GASK1A: variants seen among roughly 807,000 people sequenced by gnomAD.
GASK1A encodes Golgi-associated kinase 1A.
In GASK1A, 40 loss-of-function variants were observed where a neutral mutation model predicts 41.2. The ratio of observed to expected loss-of-function variants is 0.97; its 90% confidence interval spans 0.75 to 1.27. The LOEUF (loss-of-function observed/expected upper bound fraction) is 1.27, where lower values mean the gene tolerates loss of function less well. GASK1A is among the 50% of genes most tolerant of loss of function. The probability of loss-of-function intolerance (pLI) is 0.00; values close to 1 mark genes in which losing one functional copy is unlikely to be tolerated. For missense variants in GASK1A, 678 were observed against 745.1 expected (o/e 0.91, Z 1.05); for synonymous variants, 316 against 307.1 (o/e 1.03, Z -0.30).
intron 1 of GASK1A, among the ~76,000 whole-genome samples, chr3:43,031,217 G>A (rs1465688175): frequency 6.6e-6 from 1 of 152,040 alleles, no homozygotes; most frequent in Non-Finnish European, 1.5e-5. Context: ...TATGTACCAG[G>A]GCTCTGCCTG....
At chr3:42,979,918 C>G (rs1324498928) in intron 1 of GASK1A, among the ~76,000 whole-genome samples, 1 of 152,112 alleles carries the variant, frequency 6.6e-6, no homozygotes, top group Non-Finnish European at 1.5e-5. Flanking sequence ...GTAACCCACT[C>G]GCAACTCTGC....
chr3:43,051,358 C>T (rs1016251590), intron 2 of GASK1A, among the ~76,000 whole-genome samples: 8 of 152,168 alleles, frequency 5.3e-5, no homozygotes, highest in African/African-American at 1.9e-4. Flanking sequence ...AGTAAGTCTC[C>T]TAGTCTTTGC....
Position 42,979,515 on chromosome 3 carries a change from C to A in GASK1A, c.-128C>A. 1 of 1,071,040 alleles carries A rather than the reference C, an allele frequency of 9.3e-7. No homozygotes were observed. Among genetic ancestry groups the A allele is most frequent in the Non-Finnish European group, 1.2e-6 (1 of 840,272 alleles). The allele number at this position is 1,071,040 out of a possible 1,614,324, so 66.3% of individuals were successfully genotyped here. ...GCACCTTCAGTCCGGGAAACCCGCC[C>A]CAGCCGAGTAGCCGCGCATCCTGGG... On this transcript the variant is annotated 5_prime_UTR_variant, in exon 1 of 5. Transcript: ENST00000430121.
chr3:43,049,768 G>T (rs541831666), intron 2 of GASK1A, among the ~76,000 whole-genome samples: 2 of 152,196 alleles, frequency 1.3e-5, no homozygotes, highest in East Asian at 3.9e-4. Context: ...CTTAACATCT[G>T]GTTTTGTGAG....
rs1375040421 is a variant in GASK1A, at chr3:43,057,090, A to G, written c.*704A>G. ...ATGAAAGTGTGGTCATGCTTTGTCA[A>G]CTCACTATATTTTTACTTTATTAAC... On this transcript the variant is annotated 3_prime_UTR_variant, in exon 5 of 5. Coordinates refer to ENST00000430121, the MANE Select transcript of GASK1A (RefSeq NM_001129908.3). The G allele has an allele frequency of 2.6e-5, 4 of 152,156 alleles. No individual in the cohort carries two copies. Among genetic ancestry groups the G allele is most frequent in the Admixed American group, 6.5e-5 (1 of 15,280 alleles). The allele number at this position is 152,156 out of a possible 1,614,324, so 9.4% of individuals were successfully genotyped here. A position where few individuals can be genotyped will look rare whatever the true frequency, so the allele number is the denominator to read the frequency against.
In GASK1A at chr3:43,040,882, C is replaced by CCA. The variant is rs71288034; in HGVS notation, c.1290+7330_1290+7331insAC. ...TATCTCCCAATGCTATCCCTCCCCC[C>CCA]CGCCACAACAGTCCGCAGAGTGTGA... is the stretch of plus-strand genomic sequence containing the variant. On this transcript the variant is annotated intron_variant, in intron 2 of 4. Coordinates refer to ENST00000430121, the MANE Select transcript of GASK1A (RefSeq NM_001129908.3). Among the ~76,000 whole-genome samples, 51 of 129,782 alleles carry CCA rather than the reference C, an allele frequency of 3.9e-4. 8 individuals are homozygous for CCA. In the South Asian group the frequency reaches 5.3e-3, roughly 13 times the overall value. 85.1% of individuals were successfully genotyped at this position (129,782 alleles called of 152,430 possible).
intron 2 of GASK1A, chr3:43,037,377 A>C (rs2089609732): frequency 1.0e-6 from 1 of 960,586 alleles, no homozygotes; most frequent in African/African-American, 1.6e-5. Context: ...TCCTCATTGA[A>C]ATGCACTAAG....
chr3:42,997,483 G>A (rs1041225506), intron 1 of GASK1A, among the ~76,000 whole-genome samples: 1 of 151,768 alleles, frequency 6.6e-6, no homozygotes, highest in African/African-American at 2.4e-5. Context: ...AATCATATTC[G>A]GATTGGAAAA....
Position 42,984,600 on chromosome 3 carries a change from G to A in GASK1A, c.3+4955G>A, listed in dbSNP as rs1027635441. 1.3e-5 allele frequency among the ~76,000 whole-genome samples: 2 copies of A among 152,188 alleles called. No homozygotes were observed. The highest frequency in any genetic ancestry group is 6.5e-5 in the Admixed American group (1 of 15,276). On this transcript the variant is annotated intron_variant, in intron 1 of 4. Coordinates refer to ENST00000430121, the MANE Select transcript of GASK1A (RefSeq NM_001129908.3). This position sits in a 1 kb window ranked among gnomAD's most constrained non-coding sequence, Gnocchi z 4.2. ...TGTGAAGGGTGAGGAAACAGCAGGA[G>A]TATAACTGAAATGCAGATTCAGTCA...
chr3:43,054,128 C>T, intron 3 of GASK1A: 1 of 267,130 alleles, frequency 3.7e-6, no homozygotes, highest in Non-Finnish European at 7.4e-6. Context: ...AAGCAATGTG[C>T]CGAGGCCATT....
At chr3:43,052,122 C>T (rs1209012102) in intron 2 of GASK1A, among the ~76,000 whole-genome samples, 1 of 152,192 alleles carries the variant, frequency 6.6e-6, no homozygotes, top group Non-Finnish European at 1.5e-5. Flanking sequence ...ACGACTAAAA[C>T]CCCTAGTCCC....
At chr3:42,998,167 A>G (rs1287917336) in intron 1 of GASK1A, among the ~76,000 whole-genome samples, 3 of 152,178 alleles carry the variant, frequency 2.0e-5, no homozygotes, top group Non-Finnish European at 2.9e-5. Context: ...GAGTTCCAAC[A>G]CTGCAGAAGA....
At chr3:43,022,415 A>G (rs1392130987) in intron 1 of GASK1A, among the ~76,000 whole-genome samples, 1 of 151,952 alleles carries the variant, frequency 6.6e-6, no homozygotes, top group Admixed American at 6.6e-5. Context: ...TTTGCAAAAG[A>G]TGATTTATTT....
At chr3:43,037,406 C>A in intron 2 of GASK1A, 1 of 942,274 alleles carries the variant, frequency 1.1e-6, no homozygotes, top group South Asian at 1.4e-5. Flanking sequence ...GCCCTTGCCA[C>A]ACAGAAGCTG....
At chr3:43,001,978 A>G (rs1217044366) in intron 1 of GASK1A, among the ~76,000 whole-genome samples, 1 of 152,084 alleles carries the variant, frequency 6.6e-6, no homozygotes, top group Non-Finnish European at 1.5e-5. Context: ...ACTGTCACGT[A>G]TGCTCTCCCT....
chr3:43,032,333 A>G lies in GASK1A; in HGVS notation c.70A>G (p.Ile24Val), dbSNP rs993024479. The G allele has an allele frequency of 1.3e-6, 2 of 1,550,542 alleles. No homozygotes were observed. The highest frequency in any genetic ancestry group is 2.7e-5 in the African/African-American group (2 of 73,002). Reference sequence around the variant, plus strand: ...AGTGATAGCGTTCTGCCTCTTGATGATCCTATCTGCGATGGCTGTCACCCG... The same window carrying G: ...AGTGATAGCGTTCTGCCTCTTGATGGTCCTATCTGCGATGGCTGTCACCCG... ...RPVIAFCLLMILSAMAVTRFP... is the reference protein window; with the variant it reads ...RPVIAFCLLMVLSAMAVTRFP... The change falls in exon 2 of 5, where the codon ATC becomes GTC. Residue 24 changes from isoleucine to valine, a missense_variant. Coordinates refer to ENST00000430121, the MANE Select transcript of GASK1A (RefSeq NM_001129908.3).
At position 43,033,555 on chromosome 3, in the gene GASK1A, T is replaced by C. The variant is rs1481107759; in HGVS notation, c.1290+2T>C. On this transcript the variant is annotated splice_donor_variant, in intron 2 of 4. Coordinates refer to ENST00000430121, the MANE Select transcript of GASK1A (RefSeq NM_001129908.3). LOFTEE classifies it high-confidence loss of function. ...GCGCTCTTCGACTTCCTGTTGCAGG[T>C]AGGTGGGGTTGGGCAGCAGGGGTAG... 6.6e-7 allele frequency: 1 copy of C among 1,522,946 alleles called. No homozygotes were observed. The highest frequency in any genetic ancestry group is 2.5e-5 in the East Asian group (1 of 40,490). 94.3% of individuals were successfully genotyped at this position (1,522,946 alleles called of 1,614,324 possible). A position where few individuals can be genotyped will look rare whatever the true frequency, so the allele number is the denominator to read the frequency against.
At chr3:43,030,613 C>G (rs17390473) in intron 1 of GASK1A, among the ~76,000 whole-genome samples, 24,224 of 152,196 alleles carry the variant, frequency 0.16, 2,393 homozygotes, top group Non-Finnish European at 0.22. Context: ...CAGAGTATGG[C>G]CCACTGCTGT....
chr3:43,014,164 C>T (rs959561210), intron 1 of GASK1A, among the ~76,000 whole-genome samples: 2 of 149,344 alleles, frequency 1.3e-5, no homozygotes, highest in Non-Finnish European at 3.0e-5. Flanking sequence ...CAGGAAGGCA[C>T]AGTGTGAAGT....
Sources: gnomAD v4.1 joint callset for allele counts (sites outside exome capture counted in the v4.1 genomes callset) on GRCh38, gnomAD v4.1.1 for gene constraint, Gnocchi (gnomAD v3.1) non-coding constraint, MANE v1.5 for transcripts, NCBI Gene and HGNC (gene_info 2026-07-23, HGNC 2026-07-21) for gene names.